DPYD: variants seen among roughly 807,000 people sequenced by gnomAD.
DPYD encodes dihydropyrimidine dehydrogenase [NADP(+)].
In DPYD, 109 loss-of-function variants were observed where a neutral mutation model predicts 116.2. The observed-to-expected ratio is 0.94, with a 90% CI of 0.80 to 1.10. DPYD has a LOEUF of 1.10. DPYD is among the 50% of genes least tolerant of loss of function. DPYD has a pLI of 0.00. For synonymous variants in DPYD, 440 were observed against 432.0 expected (o/e 1.02, Z -0.23); for missense variants, 1,302 against 1,254.5 (o/e 1.04, Z -0.57).
chr1:97,267,925 G>A (rs1664337669), intron 18 of DPYD, among the ~76,000 whole-genome samples: 1 of 152,070 alleles, frequency 6.6e-6, no homozygotes. Flanking sequence ...CAGATATGGG[G>A]GAAACCCAAG....
chr1:97,654,551 T>C (rs1444312306), intron 8 of DPYD, among the ~76,000 whole-genome samples: 2 of 152,306 alleles, frequency 1.3e-5, no homozygotes, highest in Middle Eastern at 3.4e-3. Context: ...AGGTATTCTA[T>C]TGTATATAAT....
chr1:97,868,543 T>TA (rs532893939), intron 2 of DPYD, among the ~76,000 whole-genome samples: 129 of 151,996 alleles, frequency 8.5e-4, no homozygotes, highest in African/African-American at 3.1e-3. Context: ...TACCATGTGC[T>TA]AAACTTTGTA....
chr1:97,186,407 C>T (rs1057336524), intron 20 of DPYD, among the ~76,000 whole-genome samples: 4 of 152,142 alleles, frequency 2.6e-5, no homozygotes, highest in Non-Finnish European at 5.9e-5. Flanking sequence ...ATTCCTCATC[C>T]TACACCCTGC....
At chr1:97,194,762 C>A (rs1184035529) in intron 19 of DPYD, among the ~76,000 whole-genome samples, 1 of 152,114 alleles carries the variant, frequency 6.6e-6, no homozygotes, top group African/African-American at 2.4e-5. Context: ...CTCAGCCTCC[C>A]AAAGTGCTGG....
chr1:97,790,633 T>C (rs1025738362), intron 3 of DPYD, among the ~76,000 whole-genome samples: 1 of 152,192 alleles, frequency 6.6e-6, no homozygotes, highest in South Asian at 2.1e-4. Context: ...GTAAAAACAG[T>C]GTGGTTATTT....
At chr1:97,291,009 A>G (rs1054081100) in intron 18 of DPYD, among the ~76,000 whole-genome samples, 1 of 152,196 alleles carries the variant, frequency 6.6e-6, no homozygotes, top group Non-Finnish European at 1.5e-5. Flanking sequence ...AAACAACCCC[A>G]TCAAAAAGTG....
intron 16 of DPYD, among the ~76,000 whole-genome samples, chr1:97,338,979 T>A (rs958397614): frequency 2.0e-5 from 3 of 152,116 alleles, no homozygotes; most frequent in Non-Finnish European, 4.4e-5. Flanking sequence ...GTAATGAGTA[T>A]TCTCAAAGAG....
chr1:97,097,628 G>A (rs937892437), intron 21 of DPYD, among the ~76,000 whole-genome samples: 1 of 152,096 alleles, frequency 6.6e-6, no homozygotes, highest in East Asian at 1.9e-4. Flanking sequence ...AAAAGAAGGC[G>A]TGGTTACAAA....
At chr1:97,572,787 T>C (rs143999580) in intron 11 of DPYD, among the ~76,000 whole-genome samples, 1 of 152,154 alleles carries the variant, frequency 6.6e-6, no homozygotes, top group Admixed American at 6.6e-5. Flanking sequence ...TACCAAGATG[T>C]TTGATGCCCT....
At chr1:97,142,760 C>G (rs1034601238) in intron 20 of DPYD, among the ~76,000 whole-genome samples, 1 of 151,972 alleles carries the variant, frequency 6.6e-6, no homozygotes, top group African/African-American at 2.4e-5. Flanking sequence ...TTATGCCCTT[C>G]CTGACTTTCC....
intron 14 of DPYD, among the ~76,000 whole-genome samples, chr1:97,445,436 T>G (rs1486025750): frequency 6.6e-6 from 1 of 152,196 alleles, no homozygotes; most frequent in Non-Finnish European, 1.5e-5. Flanking sequence ...TATTCATAGC[T>G]TCTCCTATAA....
chr1:97,425,466 G>A (rs1196756726), intron 14 of DPYD, among the ~76,000 whole-genome samples: 1 of 152,018 alleles, frequency 6.6e-6, no homozygotes, highest in African/African-American at 2.4e-5. Flanking sequence ...AATGAAGAAA[G>A]AAGGGAAACT....
chr1:97,608,436 C>T (rs990615936), intron 8 of DPYD, among the ~76,000 whole-genome samples: 14 of 151,950 alleles, frequency 9.2e-5, no homozygotes, highest in African/African-American at 3.1e-4. Context: ...GTCTGGTTCA[C>T]CCTACCACAG....
chr1:97,705,955 T>C (rs1474213590), intron 5 of DPYD, among the ~76,000 whole-genome samples: 2 of 152,100 alleles, frequency 1.3e-5, no homozygotes, highest in Non-Finnish European at 2.9e-5. Flanking sequence ...TCTGTTCATA[T>C]CCTTCGCCCA....
intron 8 of DPYD, among the ~76,000 whole-genome samples, chr1:97,646,111 G>A (rs903097755): frequency 2.6e-5 from 4 of 151,852 alleles, no homozygotes; most frequent in Non-Finnish European, 5.9e-5. Flanking sequence ...AGCATCCCAG[G>A]GCAAGTCTTT....
intron 3 of DPYD, among the ~76,000 whole-genome samples, chr1:97,822,975 C>T (rs1669035753): frequency 6.6e-6 from 1 of 151,886 alleles, no homozygotes; most frequent in African/African-American, 2.4e-5. Context: ...TGTGATTGTC[C>T]CCATTTGCAT....
chr1:97,804,252 A>T (rs1175690882), intron 3 of DPYD, among the ~76,000 whole-genome samples: 1 of 151,790 alleles, frequency 6.6e-6, no homozygotes, highest in Non-Finnish European at 1.5e-5. Flanking sequence ...TTCTTTATGT[A>T]TTATCACCAC....
chr1:97,237,872 A>C (rs1041766203), intron 18 of DPYD, among the ~76,000 whole-genome samples: 1 of 152,126 alleles, frequency 6.6e-6, no homozygotes, highest in African/African-American at 2.4e-5. Flanking sequence ...CAAGAGAGTA[A>C]ATTTGAGCTA....
At chr1:97,165,659 T>C (rs1364826286) in intron 20 of DPYD, among the ~76,000 whole-genome samples, 1 of 152,106 alleles carries the variant, frequency 6.6e-6, no homozygotes, top group Non-Finnish European at 1.5e-5. Flanking sequence ...GAGAAAATAT[T>C]TGCAAACTAT....
Sources: gnomAD v4.1 joint callset for allele counts (sites outside exome capture counted in the v4.1 genomes callset) on GRCh38, gnomAD v4.1.1 for gene constraint, MANE v1.5 for transcripts, NCBI Gene and HGNC (gene_info 2026-07-23, HGNC 2026-07-21) for gene names.